Variants in PBRM1 observed in about 807,000 individuals in gnomAD.
PBRM1 encodes protein polybromo-1.
PBRM1 carries 27 observed loss-of-function variants against 194.5 expected under a neutral mutation model. That is an observed-to-expected ratio of 0.14 (90% confidence interval 0.10 to 0.19). The LOEUF (loss-of-function observed/expected upper bound fraction) is 0.19, where lower values mean the gene tolerates loss of function less well. PBRM1 is among the 10% of genes least tolerant of loss of function. The pLI is 1.00. For missense variants in PBRM1, 1,466 were observed against 2,077.2 expected (o/e 0.71, Z 5.72); for synonymous variants, 655 against 693.2 (o/e 0.94, Z 0.87).
chr3:52,598,233 T>C (rs552245273), intron 17 of PBRM1, among the ~76,000 whole-genome samples: 1 of 152,354 alleles, frequency 6.6e-6, no homozygotes, highest in Admixed American at 6.5e-5. Context: ...CACTTTTAAG[T>C]GTACCATTCA....
chr3:52,558,505 G>A, intron 25 of PBRM1, 92 bp from the exon 28 acceptor site: 2 of 1,108,070 alleles, frequency 1.8e-6, no homozygotes, highest in South Asian at 1.7e-5. Flanking sequence ...AAAAACACAG[G>A]CAACAGTTCT....
At chr3:52,555,851 GA>G (rs1211925871) in intron 26 of PBRM1, among the ~76,000 whole-genome samples, 2 of 152,052 alleles carry the variant, frequency 1.3e-5, no homozygotes, top group Non-Finnish European at 2.9e-5. Flanking sequence ...ATAAATGTAA[GA>G]AAAAAAATTC....
chr3:52,594,703 G>C (rs1354622827), intron 17 of PBRM1, among the ~76,000 whole-genome samples: 2 of 152,124 alleles, frequency 1.3e-5, no homozygotes, highest in African/African-American at 4.8e-5. Context: ...TGTAGTGTCT[G>C]GTAACAGTCT....
At chr3:52,674,893 G>A (rs947724017) in intron 2 of PBRM1, among the ~76,000 whole-genome samples, 9 of 151,464 alleles carry the variant, frequency 5.9e-5, no homozygotes, top group African/African-American at 1.2e-4. Flanking sequence ...GCTTGAGTCC[G>A]GGAGGTTGAG....
At chr3:52,641,458 A>AAAG (rs1257514796) in intron 10 of PBRM1, among the ~76,000 whole-genome samples, 1 of 148,358 alleles carries the variant, frequency 6.7e-6, no homozygotes, top group East Asian at 1.9e-4. Context: ...AAAAAAAAAA[A>AAAG]AAAAAGAAAA....
Position 52,640,139 on chromosome 3 carries a change from T to C in PBRM1, c.1087+1815A>G, listed in dbSNP as rs2096012842. 2.6e-5 allele frequency among the ~76,000 whole-genome samples: 4 copies of C among 152,344 alleles called. No individual in the cohort carries two copies. In the South Asian group the frequency reaches 8.3e-4, roughly 32 times the overall value. Reference sequence around the variant, plus strand: ...TAGGCAATCCTTTTTATCTGTGTAATGATCTCTGTTTGAAAGTCCATCTTA... The same window carrying C: ...TAGGCAATCCTTTTTATCTGTGTAACGATCTCTGTTTGAAAGTCCATCTTA... On this transcript the variant is annotated intron_variant, in intron 10 of 29. Transcript: ENST00000296302.
intron 19 of PBRM1, 60 bp from the exon 22 acceptor site, chr3:52,586,748 C>CAGAA (rs1553745767): frequency 1.1e-5 from 2 of 183,906 alleles, no homozygotes; most frequent in Non-Finnish European, 1.9e-5. Flanking sequence ...GAAAATCAAT[C>CAGAA]AAAAAAAAAA....
chr3:52,634,597 C>A lies in PBRM1; in HGVS notation c.1301+5G>T, dbSNP rs758660308. 3 of 1,550,814 alleles carry A rather than the reference C, an allele frequency of 1.9e-6. No homozygotes were observed. Among genetic ancestry groups the A allele is most frequent in the Non-Finnish European group, 2.7e-6 (3 of 1,123,446 alleles). The stretch of plus-strand genomic sequence containing the variant: ...TTATACTGAATAATGTAGAAGACAT[C>A]TTACCGGATCTGTTGTAGTGATATG... On this transcript the variant is annotated splice_donor_5th_base_variant and intron_variant, in intron 11 of 29. Transcript: ENST00000296302.
chr3:52,581,794 C>T (rs372291684), intron 20 of PBRM1, among the ~76,000 whole-genome samples: 2 of 152,018 alleles, frequency 1.3e-5, no homozygotes, highest in African/African-American at 4.8e-5. Context: ...CGTGCCACCA[C>T]GCCTGGCTAA....
intron 22 of PBRM1, among the ~76,000 whole-genome samples, chr3:52,569,500 G>A (rs1017096858): frequency 5.9e-5 from 9 of 152,122 alleles, no homozygotes; most frequent in Admixed American, 1.3e-4. Context: ...ATGAGCCACC[G>A]CGCCCGGCCT....
At chr3:52,549,913 A>C (rs184975158) in intron 29 of PBRM1, among the ~76,000 whole-genome samples, 1,754 of 150,984 alleles carry the variant, frequency 0.012, 33 homozygotes, top group Non-Finnish European at 0.012. Context: ...AAAAAAAAAA[A>C]AACAACCCAA....
chr3:52,610,083 G>T, intron 15 of PBRM1, 128 bp from the exon 18 acceptor site: 1 of 554,490 alleles, frequency 1.8e-6, no homozygotes, highest in Non-Finnish European at 3.0e-6. Context: ...TGTCTATAGT[G>T]AAATATAACC....
chr3:52,628,869 A>T (rs780789321), intron 12 of PBRM1, 25 bp downstream of exon 13: 1 of 1,609,626 alleles, frequency 6.2e-7, no homozygotes, highest in Non-Finnish European at 8.5e-7. Flanking sequence ...TATACAACAA[A>T]CTCAGCAAAA....
chr3:52,615,839 ATC>A (rs1257151813), intron 14 of PBRM1, among the ~76,000 whole-genome samples: 1 of 152,232 alleles, frequency 6.6e-6, no homozygotes, highest in Non-Finnish European at 1.5e-5. Flanking sequence ...AACTAAAAAT[ATC>A]TGATAGTTGG....
At chr3:52,627,446 G>T in intron 12 of PBRM1, 76 bp from the exon 14 acceptor site, 1 of 808,200 alleles carries the variant, frequency 1.2e-6, no homozygotes, top group Non-Finnish European at 2.1e-6. Flanking sequence ...TAAAGAGCTA[G>T]ACATATCAGA....
intron 22 of PBRM1, among the ~76,000 whole-genome samples, chr3:52,570,085 C>A (rs960858651): frequency 1.3e-5 from 2 of 152,184 alleles, no homozygotes; most frequent in African/African-American, 4.8e-5. Flanking sequence ...GATTCTTTTG[C>A]CTCAGCCTCC....
At chr3:52,624,971 A>G (rs115918946) in intron 13 of PBRM1, 30 bp from the exon 15 acceptor site, 43,776 of 1,494,336 alleles carry the variant, frequency 0.029, 719 homozygotes, top group Middle Eastern at 0.04. Flanking sequence ...CATTACATGT[A>G]AAGAGAAACA....
Position 52,678,470 on chromosome 3 carries a change from CG to C in PBRM1, c.236+29del, listed in dbSNP as rs533518681. 1.5e-4 allele frequency: 209 copies of C among 1,431,490 alleles called. 3 individuals carry two copies. The South Asian group carries it at 2.3e-3, about 16-fold the overall frequency. 88.7% of individuals were successfully genotyped at this position (1,431,490 alleles called of 1,614,324 possible). On this transcript the variant is annotated intron_variant, in intron 2 of 29. Coordinates refer to ENST00000296302, the Ensembl canonical transcript of PBRM1. The stretch of plus-strand genomic sequence containing the variant: ...CACATGGACTCTGGACCAAATCCCC[CG>C]CAACTGTACTGATGTGCTTCGAACT...
chr3:52,567,742 C>T (rs990059338), intron 22 of PBRM1, among the ~76,000 whole-genome samples: 1 of 151,122 alleles, frequency 6.6e-6, no homozygotes, highest in Non-Finnish European at 1.5e-5. Context: ...AGCAATTATC[C>T]TGCCTCAGCC....
Sources: allele counts gnomAD v4.1 joint callset (sites outside exome capture counted in the v4.1 genomes callset), GRCh38; gene constraint gnomAD v4.1.1; transcripts MANE v1.5; gene names NCBI Gene and HGNC (gene_info 2026-07-23, HGNC 2026-07-21).